Variants in ROBO1 observed in about 807,000 individuals in gnomAD.
ROBO1 encodes the protein roundabout homolog 1.
ROBO1 carries 149 observed loss-of-function variants against 195.9 expected under a neutral mutation model. The ratio of observed to expected loss-of-function variants is 0.76; its 90% confidence interval spans 0.67 to 0.87. The LOEUF (loss-of-function observed/expected upper bound fraction) is 0.87, where lower values mean the gene tolerates loss of function less well. Ranked by LOEUF, ROBO1 falls within the 40% of genes least tolerant of loss-of-function variation. ROBO1 has a pLI of 0.00. For synonymous variants in ROBO1, 816 were observed against 733.2 expected (o/e 1.11, Z -1.82); for missense variants, 1,933 against 2,068.3 (o/e 0.93, Z 1.27).
chr3:79,576,024 G>C (rs537230873), intron 2 of ROBO1, among the ~76,000 whole-genome samples: 1 of 151,848 alleles, frequency 6.6e-6, no homozygotes, highest in Non-Finnish European at 1.5e-5. Flanking sequence ...TTGATGTGAA[G>C]TTATATCACA....
rs1258739678 is a variant in ROBO1 at position 78,688,714 on chromosome 3, T to C, written c.1104A>G (p.Val368=). 1.2e-6 allele frequency: 2 copies of C among 1,609,408 alleles called. No homozygotes were observed. Among genetic ancestry groups the C allele is most frequent in the Non-Finnish European group, 1.7e-6 (2 of 1,177,758 alleles). Residue 368 remains valine (V), a synonymous_variant, in exon 9 of 31, where the codon GTA becomes GTG. Coordinates refer to ENST00000464233, the MANE Select transcript of ROBO1 (RefSeq NM_002941.4). ...RDQVVALGRT[V]TFQCEATGNP... ...TTCCGGTTGCTTCACACTGAAAAGT[T>C]ACAGTCCGTCCCAAAGCAACAACCT...
chr3:78,997,220 G>A (rs1034503548), intron 3 of ROBO1, among the ~76,000 whole-genome samples: 10 of 152,088 alleles, frequency 6.6e-5, no homozygotes, highest in Non-Finnish European at 1.2e-4. Context: ...AATAAGCATC[G>A]CACATTTTTG....
At chr3:79,310,352 G>T (rs749736014) in intron 2 of ROBO1, among the ~76,000 whole-genome samples, 1 of 152,084 alleles carries the variant, frequency 6.6e-6, no homozygotes, top group African/African-American at 2.4e-5. Flanking sequence ...TTCCTCTCCT[G>T]GGACTGGGGG....
At chr3:79,721,818 C>T (rs1434552954) in intron 1 of ROBO1, among the ~76,000 whole-genome samples, 1 of 152,092 alleles carries the variant, frequency 6.6e-6, no homozygotes, top group Non-Finnish European at 1.5e-5. Context: ...CATGTATATC[C>T]AAAGTGTGAA....
At chr3:79,558,095 C>T (rs1489580005) in intron 2 of ROBO1, among the ~76,000 whole-genome samples, 1 of 152,134 alleles carries the variant, frequency 6.6e-6, no homozygotes, top group Admixed American at 6.5e-5. Context: ...CATTCTAGTA[C>T]AGTTGAGCCT....
At chr3:78,948,467 C>T (rs1047592104) in intron 3 of ROBO1, among the ~76,000 whole-genome samples, 3 of 152,134 alleles carry the variant, frequency 2.0e-5, no homozygotes, top group African/African-American at 7.2e-5. Flanking sequence ...TTCAACAACT[C>T]TTCATGCTAA....
chr3:79,183,664 A>C (rs1204984772), intron 2 of ROBO1, among the ~76,000 whole-genome samples: 2 of 152,228 alleles, frequency 1.3e-5, no homozygotes, highest in Non-Finnish European at 2.9e-5. Flanking sequence ...AAGATAGGAC[A>C]AGAAAGGACC....
chr3:79,126,815 G>A (rs1415949791), intron 2 of ROBO1, among the ~76,000 whole-genome samples: 2 of 152,024 alleles, frequency 1.3e-5, no homozygotes, highest in Non-Finnish European at 2.9e-5. Flanking sequence ...GTCTCCACTA[G>A]CTAGGTCAAC....
At chr3:79,156,476 T>G (rs1293326276) in intron 2 of ROBO1, among the ~76,000 whole-genome samples, 2 of 151,842 alleles carry the variant, frequency 1.3e-5, no homozygotes, top group Non-Finnish European at 2.9e-5. Flanking sequence ...AAAATAGCAT[T>G]CTATTTGAAA....
intron 4 of ROBO1, among the ~76,000 whole-genome samples, chr3:78,880,136 CTCATT>C (rs1326189380): frequency 1.3e-5 from 2 of 152,200 alleles, no homozygotes; most frequent in East Asian, 3.9e-4. Flanking sequence ...CAAAACACAT[CTCATT>C]TATTAGGATT....
chr3:79,673,316 A>ATGTGTGTGGGTGTGGG (rs1287225654), intron 1 of ROBO1, among the ~76,000 whole-genome samples: 14 of 152,044 alleles, frequency 9.2e-5, no homozygotes, highest in African/African-American at 3.4e-4. Context: ...AATGTTTTAT[A>ATGTGTGTGGGTGTGGG]TGTGTGTGGG....
chr3:79,198,860 T>C (rs1391993199), intron 2 of ROBO1, among the ~76,000 whole-genome samples: 1 of 152,060 alleles, frequency 6.6e-6, no homozygotes, highest in Non-Finnish European at 1.5e-5. Context: ...GGAATGCTTG[T>C]GATTTTTGCA....
At chr3:79,653,199 G>T (rs1337725695) in intron 1 of ROBO1, among the ~76,000 whole-genome samples, 1 of 151,256 alleles carries the variant, frequency 6.6e-6, no homozygotes, top group African/African-American at 2.4e-5. Context: ...ATTACACATC[G>T]ATGTTTAATT....
At chr3:79,427,932 G>A (rs963372956) in intron 2 of ROBO1, among the ~76,000 whole-genome samples, 2 of 152,018 alleles carry the variant, frequency 1.3e-5, no homozygotes, top group Non-Finnish European at 2.9e-5. Flanking sequence ...AAGCAAAAAT[G>A]GACAAATGGG....
intron 2 of ROBO1, among the ~76,000 whole-genome samples, chr3:79,396,074 T>C (rs182251628): frequency 3.0e-4 from 45 of 152,244 alleles, no homozygotes; most frequent in African/African-American, 9.9e-4. Context: ...TTAATAACCC[T>C]ATAATTTCTT....
At chr3:79,396,945 C>T (rs927074216) in intron 2 of ROBO1, among the ~76,000 whole-genome samples, 4 of 151,730 alleles carry the variant, frequency 2.6e-5, no homozygotes, top group Non-Finnish European at 5.9e-5. Flanking sequence ...ATAAAATTAC[C>T]GAGAATGTTC....
At chr3:79,324,404 A>G (rs1375435373) in intron 2 of ROBO1, among the ~76,000 whole-genome samples, 1 of 152,198 alleles carries the variant, frequency 6.6e-6, no homozygotes, top group Non-Finnish European at 1.5e-5. Context: ...TCATCAATAT[A>G]TAAATAAAAT....
intron 8 of ROBO1, among the ~76,000 whole-genome samples, chr3:78,691,233 T>C (rs1229069312): frequency 2.0e-5 from 3 of 152,186 alleles, no homozygotes; most frequent in Non-Finnish European, 4.4e-5. Context: ...ATTCATTAAA[T>C]GTGTCCACTT....
intron 2 of ROBO1, among the ~76,000 whole-genome samples, chr3:79,203,613 A>G (rs1421990258): frequency 6.6e-6 from 1 of 152,152 alleles, no homozygotes; most frequent in East Asian, 1.9e-4. Context: ...TAGATTTTAG[A>G]TATGAGCAGG....
Sources: gnomAD v4.1 joint callset for allele counts (sites outside exome capture counted in the v4.1 genomes callset) on GRCh38, gnomAD v4.1.1 for gene constraint, MANE v1.5 for transcripts, NCBI Gene and HGNC (gene_info 2026-07-23, HGNC 2026-07-21) for gene names.